PIK3C2G: variants seen among roughly 807,000 people sequenced by gnomAD.
PIK3C2G encodes the protein phosphatidylinositol-4-phosphate 3-kinase catalytic subunit type 2 gamma.
PIK3C2G carries 168 observed loss-of-function variants against 181.1 expected under a neutral mutation model. That is an observed-to-expected ratio of 0.93 (90% CI 0.82 to 1.05). The LOEUF (loss-of-function observed/expected upper bound fraction) is 1.05, where lower values mean the gene tolerates loss of function less well. Ranked by LOEUF, PIK3C2G falls within the 50% of genes least tolerant of loss-of-function variation. The pLI is 0.00. For synonymous variants in PIK3C2G, 573 were observed against 592.2 expected, an observed-to-expected ratio of 0.97 and a Z score of 0.47; for missense variants, 1,869 against 1,732.8, an observed-to-expected ratio of 1.08 and a Z score of -1.40.
In PIK3C2G at chr12:18,371,331, G is replaced by C; in HGVS notation, c.1880+20G>C. 6.3e-7 allele frequency: 1 copy of C among 1,576,020 alleles called. No individual in the cohort carries two copies. ...AAAAGAGTAAGTGTATCAATTGTGA[G>C]TAATAAGCCTATCATTTCAATAAAA... On this transcript the variant is annotated intron_variant, in intron 13 of 32. Coordinates refer to ENST00000538779, the MANE Select transcript of PIK3C2G (RefSeq NM_001288772.2).
chr12:18,279,405 C>T (rs1024790613), intron 1 of PIK3C2G, among the ~76,000 whole-genome samples: 1 of 151,824 alleles, frequency 6.6e-6, no homozygotes, highest in Non-Finnish European at 1.5e-5. Flanking sequence ...GATCGTCCAG[C>T]CTAAAGAAAT....
At chr12:18,379,703 C>T (rs1942703286) in intron 13 of PIK3C2G, among the ~76,000 whole-genome samples, 1 of 152,190 alleles carries the variant, frequency 6.6e-6, no homozygotes, top group South Asian at 2.1e-4. Flanking sequence ...AAGTCTGCAG[C>T]TCATGACTGG....
chr12:18,461,154 CTTTA>C (rs1947901578), intron 18 of PIK3C2G, among the ~76,000 whole-genome samples: 1 of 152,058 alleles, frequency 6.6e-6, no homozygotes, highest in Non-Finnish European at 1.5e-5. Flanking sequence ...ATATACCTCA[CTTTA>C]TTTAAAAAAT....
chr12:18,683,113 G>A, the PIK3C2G span: 1 of 820,544 alleles, frequency 1.2e-6, no homozygotes, highest in Non-Finnish European at 2.0e-6. Flanking sequence ...TAAGTGAATG[G>A]GCTCAATATT....
chr12:18,298,184 A>G (rs1354040005), intron 5 of PIK3C2G, among the ~76,000 whole-genome samples: 2 of 151,924 alleles, frequency 1.3e-5, no homozygotes, highest in Non-Finnish European at 2.9e-5. Context: ...CCTTGCCAGC[A>G]TTTGTTATTT....
chr12:18,258,714 G>A (rs1241490162), upstream of PIK3C2G, among the ~76,000 whole-genome samples: 1 of 150,068 alleles, frequency 6.7e-6, no homozygotes, highest in Non-Finnish European at 1.5e-5. Context: ...TTGATTCTTT[G>A]ATAATGAATA....
intron 13 of PIK3C2G, among the ~76,000 whole-genome samples, chr12:18,373,130 T>C (rs937298910): frequency 2.2e-4 from 33 of 152,196 alleles, no homozygotes; most frequent in African/African-American, 4.3e-4. Context: ...CATGGGGCAA[T>C]TGGGAGGCTG....
At chr12:18,338,684 TG>T in intron 9 of PIK3C2G, 136 bp downstream of exon 9, 24 of 598,368 alleles carry the variant, frequency 4.0e-5, no homozygotes, top group Non-Finnish European at 6.0e-5. Flanking sequence ...TGTGTGTGTG[TG>T]TGTGTGTGTG....
chr12:18,334,319 G>A (rs1187369219), intron 8 of PIK3C2G, among the ~76,000 whole-genome samples: 4 of 152,112 alleles, frequency 2.6e-5, no homozygotes, highest in African/African-American at 9.7e-5. Context: ...TGAGTCAAAA[G>A]AACCTTTCTA....
At chr12:18,497,537 A>G (rs1941113192) in intron 21 of PIK3C2G, 82 bp from the exon 22 acceptor site, 2 of 1,023,556 alleles carry the variant, frequency 2.0e-6, no homozygotes, top group East Asian at 5.3e-5. Flanking sequence ...TCCAAGGAGA[A>G]AAGTGACATG....
chr12:18,349,221 A>G (rs1485430438), intron 11 of PIK3C2G, among the ~76,000 whole-genome samples: 1 of 152,164 alleles, frequency 6.6e-6, no homozygotes, highest in Non-Finnish European at 1.5e-5. Context: ...GCATACCAGG[A>G]GACAGAATCA....
At chr12:18,356,613 T>G (rs952808985) in intron 11 of PIK3C2G, among the ~76,000 whole-genome samples, 1 of 152,004 alleles carries the variant, frequency 6.6e-6, no homozygotes, top group Non-Finnish European at 1.5e-5. Flanking sequence ...CATGAACAAA[T>G]TGAAGATGGT....
intron 15 of PIK3C2G, among the ~76,000 whole-genome samples, chr12:18,393,758 T>G (rs1358255061): frequency 1.3e-5 from 2 of 152,088 alleles, no homozygotes; most frequent in Non-Finnish European, 2.9e-5. Context: ...GAGGTAAGCC[T>G]TGGGATTAAA....
chr12:18,345,963 C>T (rs1477015071), intron 10 of PIK3C2G, among the ~76,000 whole-genome samples: 5 of 152,174 alleles, frequency 3.3e-5, no homozygotes, highest in African/African-American at 4.8e-5. Flanking sequence ...CAGAGGAAAA[C>T]TATTAGCTCC....
Position 18,491,611 on chromosome 12 carries a change from A to G in PIK3C2G, c.2793+53A>G. The G allele has an allele frequency of 4.9e-6, 5 of 1,020,806 alleles. No homozygotes were observed. The Admixed American group carries it at 1.0e-4, about 21-fold the overall frequency. The allele number at this position is 1,020,806 out of a possible 1,614,324, so 63.2% of individuals were successfully genotyped here. A position where few individuals can be genotyped will look rare whatever the true frequency, so the allele number is the denominator to read the frequency against. ...GGAATATTTCTGTTTTGTATAGTTT[A>G]GTTCATTGTATATGTTTGAAATGGC... On this transcript the variant is annotated intron_variant, in intron 20 of 32. Coordinates refer to ENST00000538779, the MANE Select transcript of PIK3C2G (RefSeq NM_001288772.2).
intron 30 of PIK3C2G, among the ~76,000 whole-genome samples, chr12:18,600,244 T>C (rs1007748975): frequency 6.6e-6 from 1 of 151,794 alleles, no homozygotes; most frequent in African/African-American, 2.4e-5. Flanking sequence ...AAAGTGAAAA[T>C]TTAATGGAAA....
the PIK3C2G span, chr12:18,684,043 A>T: frequency 7.0e-7 from 1 of 1,432,200 alleles, no homozygotes; most frequent in South Asian, 1.2e-5. Context: ...TTTATGATAG[A>T]GCTATTTGGT....
chr12:18,348,204 A>AAT (rs898209135), intron 11 of PIK3C2G, among the ~76,000 whole-genome samples: 7 of 151,972 alleles, frequency 4.6e-5, no homozygotes, highest in Non-Finnish European at 8.8e-5. Context: ...GACAAGGATA[A>AAT]ATATATATAT....
chr12:18,697,766 C>G, the PIK3C2G span, among the ~76,000 whole-genome samples: 2 of 151,340 alleles, frequency 1.3e-5, no homozygotes, highest in African/African-American at 4.9e-5. Flanking sequence ...ATAATGTGAA[C>G]ATCATTTCAT....
Sources: allele counts gnomAD v4.1 joint callset (sites outside exome capture counted in the v4.1 genomes callset), GRCh38; gene constraint gnomAD v4.1.1; transcripts MANE v1.5; gene names NCBI Gene and HGNC (gene_info 2026-07-23, HGNC 2026-07-21).